Variants in CNTN5 observed in about 807,000 individuals in gnomAD.
The protein encoded by CNTN5 is contactin 5, also known as contactin-5.
In CNTN5, 77 loss-of-function variants were observed where a neutral mutation model predicts 129.1. The observed-to-expected ratio is 0.60, with a 90% CI of 0.50 to 0.72. The LOEUF is 0.72. Ranked by LOEUF, CNTN5 falls within the 30% of genes least tolerant of loss-of-function variation. The pLI, the probability that CNTN5 is intolerant of heterozygous loss-of-function variation, is 0.00. For synonymous variants in CNTN5, 509 were observed against 465.6 expected (o/e 1.09, Z -1.20); for missense variants, 1,478 against 1,328.8 (o/e 1.11, Z -1.75).
At chr11:99,610,056 G>T (rs538021390) in intron 3 of CNTN5, among the ~76,000 whole-genome samples, 38 of 152,154 alleles carry the variant, frequency 2.5e-4, no homozygotes, top group African/African-American at 8.4e-4. Flanking sequence ...CGAGATTCAG[G>T]TACTTGTTCA....
intron 16 of CNTN5, among the ~76,000 whole-genome samples, chr11:100,237,067 T>C (rs756178848): frequency 1.3e-5 from 2 of 151,192 alleles, no homozygotes; most frequent in African/African-American, 2.4e-5. Context: ...TGGGCGCCTC[T>C]AGTCCCAGCT....
At chr11:99,681,059 G>A (rs1307570968) in intron 3 of CNTN5, among the ~76,000 whole-genome samples, 1 of 151,976 alleles carries the variant, frequency 6.6e-6, no homozygotes, top group Non-Finnish European at 1.5e-5. Context: ...TAGAAGTGGA[G>A]TCTGAGGATG....
At chr11:99,213,335 C>A (rs1243260045) in intron 1 of CNTN5, among the ~76,000 whole-genome samples, 29 of 130,332 alleles carry the variant, frequency 2.2e-4, no homozygotes, top group East Asian at 2.5e-4. Context: ...TAAATATATA[C>A]ATATATAAAA....
chr11:99,408,161 C>A (rs573887682), intron 2 of CNTN5, among the ~76,000 whole-genome samples: 10 of 151,902 alleles, frequency 6.6e-5, no homozygotes, highest in African/African-American at 2.4e-4. Context: ...CTTGCTGCAG[C>A]CCTCCTTTTA....
chr11:99,462,353 T>G (rs1944735658), intron 2 of CNTN5, among the ~76,000 whole-genome samples: 1 of 100,394 alleles, frequency 1.0e-5, no homozygotes, highest in Admixed American at 1.3e-4. Flanking sequence ...TTTTTTTCTT[T>G]TCTTTTCTTT....
At chr11:99,480,479 TA>T (rs1945549598) in intron 2 of CNTN5, among the ~76,000 whole-genome samples, 1 of 152,188 alleles carries the variant, frequency 6.6e-6, no homozygotes, top group Non-Finnish European at 1.5e-5. Context: ...TTGTAAGGCT[TA>T]AATGACTAAA....
chr11:99,681,775 C>A (rs866635993), intron 3 of CNTN5, among the ~76,000 whole-genome samples: 1 of 151,858 alleles, frequency 6.6e-6, no homozygotes, highest in African/African-American at 2.4e-5. Flanking sequence ...TCCCTTAGAT[C>A]TATATATTGA....
intron 1 of CNTN5, among the ~76,000 whole-genome samples, chr11:99,156,041 T>A (rs1435858900): frequency 6.6e-6 from 1 of 151,988 alleles, no homozygotes; most frequent in East Asian, 1.9e-4. Flanking sequence ...AAGTTCTCAA[T>A]AACCAAAAAA....
At chr11:99,794,311 G>C (rs1945858558) in intron 3 of CNTN5, among the ~76,000 whole-genome samples, 1 of 151,736 alleles carries the variant, frequency 6.6e-6, no homozygotes, top group African/African-American at 2.4e-5. Flanking sequence ...GTGAAAGTAT[G>C]GGTGTCACTG....
intron 2 of CNTN5, among the ~76,000 whole-genome samples, chr11:99,390,250 CA>C (rs1385706470): frequency 2.6e-5 from 4 of 151,890 alleles, no homozygotes; most frequent in Non-Finnish European, 5.9e-5. Context: ...ACTGAGTAGC[CA>C]GGACTATGGG....
At chr11:99,969,546 T>C (rs915516443) in intron 8 of CNTN5, among the ~76,000 whole-genome samples, 1 of 152,158 alleles carries the variant, frequency 6.6e-6, no homozygotes, top group African/African-American at 2.4e-5. Context: ...TAATTGGGCA[T>C]GGGGCCTCAC....
At position 99,305,779 on chromosome 11, in the gene CNTN5, G is replaced by A. The variant is rs2511801; in HGVS notation, c.-209-19567G>A. 2.4e-3 allele frequency among the ~76,000 whole-genome samples: 357 copies of A among 151,880 alleles called. 2 individuals are homozygous for A. The highest frequency in any genetic ancestry group is 8.1e-3 in the African/African-American group (335 of 41,422). On this transcript the variant is annotated intron_variant, in intron 1 of 24. Transcript: ENST00000524871. ...GTGGATCACCTGAGGTCGGGAGTTC[G>A]GGACCAGCCTGACAAACAAGGTGAA...
rs139544345 is a variant in CNTN5, at chr11:99,680,110, C to T, written c.55+123841C>T. Among the ~76,000 whole-genome samples, 360 of 152,258 alleles carry T rather than the reference C, an allele frequency of 2.4e-3. 2 individuals are homozygous for T. Among genetic ancestry groups the T allele is most frequent in the African/African-American group, 8.2e-3 (341 of 41,560 alleles). On this transcript the variant is annotated intron_variant, in intron 3 of 24. Coordinates refer to ENST00000524871, the MANE Select transcript of CNTN5 (RefSeq NM_014361.4). Reference sequence around the variant, plus strand: ...AAAGAAAAAAGCCATCTTCAAAACACAAAAATGAAAGATGAAGCAGAAAGT... The same window carrying T: ...AAAGAAAAAAGCCATCTTCAAAACATAAAAATGAAAGATGAAGCAGAAAGT...
intron 2 of CNTN5, among the ~76,000 whole-genome samples, chr11:99,359,747 G>T (rs1938970405): frequency 6.6e-6 from 1 of 151,946 alleles, no homozygotes; most frequent in Admixed American, 6.6e-5. Flanking sequence ...GAGGCAAATT[G>T]CCTTACAGCT....
At chr11:99,454,369 G>A (rs1392277940) in intron 2 of CNTN5, among the ~76,000 whole-genome samples, 1 of 152,142 alleles carries the variant, frequency 6.6e-6, no homozygotes, top group Non-Finnish European at 1.5e-5. Context: ...GGACCAAGTG[G>A]AGATAATTGA....
At chr11:99,440,494 C>A (rs1306211694) in intron 2 of CNTN5, among the ~76,000 whole-genome samples, 1 of 151,982 alleles carries the variant, frequency 6.6e-6, no homozygotes, top group Non-Finnish European at 1.5e-5. Context: ...GTTGTCTAAT[C>A]CACTGTGCTT....
At chr11:99,994,373 G>A (rs185473812) in intron 8 of CNTN5, among the ~76,000 whole-genome samples, 16 of 152,080 alleles carry the variant, frequency 1.1e-4, no homozygotes, top group Admixed American at 7.9e-4. Flanking sequence ...ATATAAAAGT[G>A]GGTTCTACAA....
intron 7 of CNTN5, among the ~76,000 whole-genome samples, chr11:99,949,498 A>G (rs7120725): frequency 0.51 from 77,449 of 151,962 alleles, 20,904 homozygotes; most frequent in African/African-American, 0.68. Flanking sequence ...ATTATGGGAA[A>G]CCTGGAGTGA....
chr11:100,080,145 T>C (rs1329010113), intron 13 of CNTN5, among the ~76,000 whole-genome samples: 1 of 152,170 alleles, frequency 6.6e-6, no homozygotes, highest in East Asian at 1.9e-4. Flanking sequence ...TTCACAATTA[T>C]TGAAATTTCA....
Sources: gnomAD v4.1 joint callset for allele counts (sites outside exome capture counted in the v4.1 genomes callset) on GRCh38, gnomAD v4.1.1 for gene constraint, MANE v1.5 for transcripts, NCBI Gene and HGNC (gene_info 2026-07-23, HGNC 2026-07-21) for gene names.